The following HYDIN variants were observed in gnomAD, a reference collection of about 807,000 sequenced individuals.
HYDIN encodes HYDIN axonemal central pair apparatus protein, also known as axonemal central pair apparatus protein HYDIN.
In HYDIN, 132 loss-of-function variants were observed where a neutral mutation model predicts 403.9. The ratio of observed to expected loss-of-function variants is 0.33; its 90% CI spans 0.28 to 0.38. The LOEUF is 0.38. Ranked by LOEUF, HYDIN falls within the 10% of genes least tolerant of loss-of-function variation. The pLI is 1.00. For synonymous variants in HYDIN, 1,202 were observed against 1,891.7 expected (o/e 0.64, Z 9.46); for missense variants, 2,827 against 5,009.5 (o/e 0.56, Z 13.15).
At chr16:71,178,432 A>ATATATATATATATATATATGTATATAT (rs1555501903) in intron 4 of HYDIN, among the ~76,000 whole-genome samples, 2 of 80,778 alleles carry the variant, frequency 2.5e-5, no homozygotes. Context: ...AAAAAAAAAA[A>ATATATATATATATATATATGTATATAT]AAATATATAT....
chr16:70,836,644 T>A (rs1184227314), intron 77 of HYDIN, among the ~76,000 whole-genome samples: 1 of 152,214 alleles, frequency 6.6e-6, no homozygotes, highest in African/African-American at 2.4e-5. Flanking sequence ...TGACCCACAA[T>A]GAGCAGCACC....
At chr16:71,203,359 AT>A (rs2088120775) in intron 1 of HYDIN, among the ~76,000 whole-genome samples, 1 of 152,174 alleles carries the variant, frequency 6.6e-6, no homozygotes, top group Non-Finnish European at 1.5e-5. Context: ...GAAATCTAGC[AT>A]TCTCTATGAC....
intron 5 of HYDIN, among the ~76,000 whole-genome samples, chr16:71,168,255 G>T (rs952122188): frequency 6.8e-6 from 1 of 147,280 alleles, no homozygotes; most frequent in Non-Finnish European, 1.5e-5. Flanking sequence ...GGAGGCGGAG[G>T]TTGCAGTGAG....
At chr16:71,222,531 G>T (rs2040850205) in intron 1 of HYDIN, among the ~76,000 whole-genome samples, 1 of 152,038 alleles carries the variant, frequency 6.6e-6, no homozygotes, top group South Asian at 2.1e-4. Flanking sequence ...AATTGGAAAA[G>T]AAGTCAAACT....
chr16:71,201,922 C>T (rs923827759), intron 1 of HYDIN, among the ~76,000 whole-genome samples: 1 of 152,228 alleles, frequency 6.6e-6, no homozygotes, highest in African/African-American at 2.4e-5. Flanking sequence ...TGTATCATTG[C>T]ATGAATAACT....
At chr16:70,888,050 GTTTA>G (rs927721201) in intron 58 of HYDIN, among the ~76,000 whole-genome samples, 2 of 152,102 alleles carry the variant, frequency 1.3e-5, no homozygotes, top group Non-Finnish European at 2.9e-5. Flanking sequence ...TTCTAAATTT[GTTTA>G]TTTATCTTCA....
At chr16:70,883,758 A>C (rs1468895936) in intron 59 of HYDIN, among the ~76,000 whole-genome samples, 162 bp downstream of exon 59, 1 of 152,128 alleles carries the variant, frequency 6.6e-6, no homozygotes, top group Non-Finnish European at 1.5e-5. Context: ...TTTAGTAGAG[A>C]CGGGGTTTTG....
chr16:71,154,994 T>C (rs1441769059), intron 6 of HYDIN, among the ~76,000 whole-genome samples: 1 of 147,620 alleles, frequency 6.8e-6, no homozygotes, highest in Non-Finnish European at 1.5e-5. Flanking sequence ...ATTCTTTTTG[T>C]TATGGCTATT....
intron 1 of HYDIN, among the ~76,000 whole-genome samples, chr16:71,196,916 T>C (rs1203363169): frequency 6.6e-6 from 1 of 152,206 alleles, no homozygotes; most frequent in Non-Finnish European, 1.5e-5. Flanking sequence ...GTTTAGCATA[T>C]AATCAATAAA....
intron 20 of HYDIN, chr16:71,027,238 G>T (rs1224102025): frequency 8.9e-7 from 1 of 1,124,840 alleles, no homozygotes; most frequent in Non-Finnish European, 1.1e-6. Context: ...AGCCCAGAGT[G>T]TCGATATAAA....
intron 28 of HYDIN, among the ~76,000 whole-genome samples, chr16:70,982,696 T>G (rs1296522261): frequency 1.3e-5 from 2 of 148,566 alleles, no homozygotes; most frequent in Middle Eastern, 3.2e-3. Context: ...CTAGAGCTGC[T>G]CCATCCTTTT....
intron 28 of HYDIN, among the ~76,000 whole-genome samples, chr16:70,983,919 A>C (rs920406706): frequency 2.6e-5 from 4 of 151,640 alleles, no homozygotes; most frequent in African/African-American, 9.7e-5. Context: ...ATTGTCATCT[A>C]CTTTTTTATC....
chr16:70,949,781 G>C (rs949530864), intron 41 of HYDIN, among the ~76,000 whole-genome samples: 1 of 152,234 alleles, frequency 6.6e-6, no homozygotes, highest in Non-Finnish European at 1.5e-5. Context: ...TATGAGCTCT[G>C]ATTTCTACTG....
chr16:71,042,674 A>G (rs1212098637), intron 18 of HYDIN, among the ~76,000 whole-genome samples: 2 of 152,186 alleles, frequency 1.3e-5, no homozygotes, highest in African/African-American at 4.8e-5. Context: ...TCATGTATCT[A>G]TCATGGACAT....
intron 37 of HYDIN, among the ~76,000 whole-genome samples, chr16:70,963,929 G>A (rs1274410860): frequency 4.0e-5 from 6 of 149,604 alleles, no homozygotes; most frequent in Admixed American, 2.0e-4. Flanking sequence ...GGTTAGTGGT[G>A]GAGGCATTGT....
At chr16:70,979,552 G>A (rs904809064) in intron 29 of HYDIN, among the ~76,000 whole-genome samples, 2 of 152,142 alleles carry the variant, frequency 1.3e-5, no homozygotes, top group East Asian at 1.9e-4. Context: ...GTAGGTAATC[G>A]GTGGAGAGAT....
At chr16:71,178,767 C>G (rs1479939449) in intron 4 of HYDIN, among the ~76,000 whole-genome samples, 161 bp downstream of exon 4, 2 of 152,120 alleles carry the variant, frequency 1.3e-5, no homozygotes, top group Non-Finnish European at 2.9e-5. Context: ...CAGACACAGC[C>G]TTGTCGTCAT....
At chr16:70,844,880 A>G (rs916103311) in intron 75 of HYDIN, among the ~76,000 whole-genome samples, 2 of 151,638 alleles carry the variant, frequency 1.3e-5, no homozygotes, top group Non-Finnish European at 1.5e-5. Flanking sequence ...TGATTTCTGT[A>G]CATTGATTTT....
chr16:71,058,740 T>A (rs971720899), intron 18 of HYDIN, among the ~76,000 whole-genome samples: 1 of 152,100 alleles, frequency 6.6e-6, no homozygotes, highest in African/African-American at 2.4e-5. Context: ...AATGTCATTA[T>A]GAAATACAGT....
Sources: allele counts gnomAD v4.1 joint callset (sites outside exome capture counted in the v4.1 genomes callset), GRCh38; gene constraint gnomAD v4.1.1; transcripts MANE v1.5; gene names NCBI Gene and HGNC (gene_info 2026-07-23, HGNC 2026-07-21).